DCDC2C: variants seen among roughly 807,000 people sequenced by gnomAD.
DCDC2C encodes the protein doublecortin domain-containing protein 2C.
A neutral mutation model predicts 45.0 loss-of-function variants in DCDC2C; 44 were observed. That is an observed-to-expected ratio of 0.98 (90% CI 0.77 to 1.26). The LOEUF is 1.26. Ranked by LOEUF, DCDC2C falls within the 50% of genes most tolerant of loss-of-function variation. The pLI is 0.00. For synonymous variants in DCDC2C, 187 were observed against 178.8 expected (o/e 1.05, Z -0.37); for missense variants, 447 against 468.9 (o/e 0.95, Z 0.43).
chr2:3,789,220 T>C (rs1670742005), intron 10 of DCDC2C, among the ~76,000 whole-genome samples: 1 of 152,114 alleles, frequency 6.6e-6, no homozygotes, highest in Non-Finnish European at 1.5e-5. Context: ...TTTTAGCCCA[T>C]TGGAGAAACA....
chr2:3,769,086 CG>C, intron 7 of DCDC2C: 1 of 486,696 alleles, frequency 2.1e-6, no homozygotes. Context: ...CAAAAGCAGA[CG>C]GGGCTAAAAT....
At position 3,703,895 on chromosome 2, in the gene DCDC2C, G is replaced by A. The variant is rs1454055247; in HGVS notation, c.144G>A (p.Glu48=). Residue 48 remains glutamate, a synonymous_variant, in exon 1 of 11, where the codon GAG becomes GAA. Transcript: ENST00000399143. The surrounding 1 kb of genome is among the most constrained non-coding windows in gnomAD (Gnocchi z 4.4). ...RRAATFEALL[E]QLTEQVDVPF... is the part of the protein sequence containing the mutation. ...CGGCCACCTTCGAGGCGCTGCTGGAGCAGCTCACGGAGCAGGTGGACGTCC... is the reference window on the plus strand; with the variant it reads ...CGGCCACCTTCGAGGCGCTGCTGGAACAGCTCACGGAGCAGGTGGACGTCC... 5 of 1,328,880 alleles carry A rather than the reference G, an allele frequency of 3.8e-6. No homozygotes were observed. In the African/African-American group the frequency reaches 4.6e-5, roughly 12 times the overall value. The allele number at this position is 1,328,880 out of a possible 1,614,324, so 82.3% of individuals were successfully genotyped here. A position where few individuals can be genotyped will look rare whatever the true frequency, so the allele number is the denominator to read the frequency against.
chr2:3,798,120 T>C (rs1347902910), intron 10 of DCDC2C, among the ~76,000 whole-genome samples: 5 of 151,948 alleles, frequency 3.3e-5, no homozygotes. Flanking sequence ...TTTACCATTA[T>C]GTAATGGCCT....
intron 3 of DCDC2C, among the ~76,000 whole-genome samples, chr2:3,731,940 G>C (rs923491502): frequency 9.9e-5 from 15 of 152,216 alleles, no homozygotes; most frequent in East Asian, 1.9e-4. Flanking sequence ...GTATGAGTAT[G>C]ATGAGGCCAT....
At chr2:3,820,028 C>T (rs1419453877) in intron 10 of DCDC2C, among the ~76,000 whole-genome samples, 4 of 152,052 alleles carry the variant, frequency 2.6e-5, no homozygotes, top group African/African-American at 7.2e-5. Context: ...GGACTCAGAG[C>T]TTGGGGTGGA....
chr2:3,808,544 A>G (rs549535886), intron 10 of DCDC2C, among the ~76,000 whole-genome samples: 1 of 152,272 alleles, frequency 6.6e-6, no homozygotes, highest in South Asian at 2.1e-4. Context: ...AGGGCACACC[A>G]CTACACCCAG....
At chr2:3,839,203 G>A (rs191936114) in intron 10 of DCDC2C, among the ~76,000 whole-genome samples, 113 of 152,160 alleles carry the variant, frequency 7.4e-4, no homozygotes, top group Admixed American at 3.4e-3. Flanking sequence ...ATTTAAAAAC[G>A]TTCTAACCCA....
At chr2:3,823,641 T>C (rs1671745343) in intron 10 of DCDC2C, among the ~76,000 whole-genome samples, 1 of 152,242 alleles carries the variant, frequency 6.6e-6, no homozygotes, top group Non-Finnish European at 1.5e-5. Flanking sequence ...GGCTTCTTCA[T>C]TTATAAAGGA....
intron 10 of DCDC2C, chr2:3,788,523 CA>C (rs1372362558): frequency 6.6e-6 from 1 of 152,052 alleles, no homozygotes; most frequent in Non-Finnish European, 1.5e-5. Context: ...TTTTTCCCCC[CA>C]AAGGCTTCAG....
At chr2:3,754,736 G>GAGCATCAGTGCCAGGGCCTGGGCC in intron 6 of DCDC2C, 102 bp downstream of exon 6, 2 of 985,398 alleles carry the variant, frequency 2.0e-6, no homozygotes, top group Non-Finnish European at 3.0e-6. Context: ...GCTGTAAACA[G>GAGCATCAGTGCCAGGGCCTGGGCC]AGCATCAGTG....
intron 10 of DCDC2C, among the ~76,000 whole-genome samples, chr2:3,793,567 T>C (rs1218152586): frequency 6.6e-6 from 1 of 152,224 alleles, no homozygotes; most frequent in Non-Finnish European, 1.5e-5. Flanking sequence ...ATTATTCCTC[T>C]CCAGTGCTTT....
intron 10 of DCDC2C, among the ~76,000 whole-genome samples, chr2:3,807,880 G>T (rs1025621381): frequency 6.6e-6 from 1 of 152,144 alleles, no homozygotes; most frequent in Non-Finnish European, 1.5e-5. Flanking sequence ...ACCCATCTGT[G>T]TGCACAACAG....
intron 4 of DCDC2C, among the ~76,000 whole-genome samples, chr2:3,750,411 C>T (rs955000016): frequency 1.1e-4 from 16 of 152,186 alleles, no homozygotes; most frequent in East Asian, 1.9e-4. Context: ...TATTTAACCA[C>T]GTCCTCTAAA....
At position 3,811,813 on chromosome 2, in the gene DCDC2C, C is replaced by T. The variant is rs144676316; in HGVS notation, c.1065+26713C>T. ...AAGAGATGTTGAATTTTATCAAAGG[C>T]CTTTTATGCATCTATTGAGATAATC... On this transcript the variant is annotated intron_variant, in intron 10 of 10. Coordinates refer to ENST00000399143, the MANE Select transcript of DCDC2C (RefSeq NM_001287444.2). 7.2e-3 allele frequency among the ~76,000 whole-genome samples: 1,098 copies of T among 152,140 alleles called. 11 individuals are homozygous for T. Among genetic ancestry groups the T allele is most frequent in the African/African-American group, 0.025 (1,046 of 41,492 alleles).
rs563311248 is a variant in DCDC2C, at chr2:3,809,246, G to A, written c.1065+24146G>A. Among the ~76,000 whole-genome samples the A allele has an allele frequency of 3.3e-3, 508 of 152,242 alleles. 1 individual carries two copies. Among genetic ancestry groups the A allele is most frequent in the Non-Finnish European group, 5.6e-3 (384 of 68,020 alleles). ...CTTTTGCTTTTACAAATAAGTCAGC[G>A]TTAGATGTGACTTGTCAATTTCTGT... On this transcript the variant is annotated intron_variant, in intron 10 of 10. Coordinates refer to ENST00000399143, the MANE Select transcript of DCDC2C (RefSeq NM_001287444.2).
intron 3 of DCDC2C, among the ~76,000 whole-genome samples, chr2:3,739,473 A>G (rs1344387770): frequency 2.0e-5 from 3 of 152,186 alleles, no homozygotes; most frequent in African/African-American, 4.8e-5. Context: ...GGACGTCGGG[A>G]GGAGCACATC....
rs116214844 is a variant in DCDC2C, at chr2:3,713,374, C to T, written c.339+4774C>T. On this transcript the variant is annotated intron_variant, in intron 2 of 10. Transcript: ENST00000399143. ...CCAGCAGGATGGGGCACAGGGTTCTCCATGATCCATGCGAGGGGCTGGGGG... is the reference window on the plus strand; with the variant it reads ...CCAGCAGGATGGGGCACAGGGTTCTTCATGATCCATGCGAGGGGCTGGGGG... 7.5e-3 allele frequency among the ~76,000 whole-genome samples: 1,146 copies of T among 152,264 alleles called. 17 individuals carry two copies. The highest frequency in any genetic ancestry group is 0.025 in the African/African-American group (1,057 of 41,546).
intron 7 of DCDC2C, among the ~76,000 whole-genome samples, chr2:3,768,123 T>C (rs867029599): frequency 4.6e-5 from 7 of 152,068 alleles, no homozygotes; most frequent in Non-Finnish European, 8.8e-5. Context: ...TAAATACATA[T>C]TTAAAATCAG....
intron 3 of DCDC2C, among the ~76,000 whole-genome samples, chr2:3,733,126 G>A (rs1668920164): frequency 6.6e-6 from 1 of 152,184 alleles, no homozygotes; most frequent in Admixed American, 6.5e-5. Flanking sequence ...AAAACATGCA[G>A]ATCAGTGTGG....
Sources: allele counts gnomAD v4.1 joint callset (sites outside exome capture counted in the v4.1 genomes callset), GRCh38; gene constraint gnomAD v4.1.1; non-coding constraint Gnocchi (gnomAD v3.1); transcripts MANE v1.5; gene names NCBI Gene and HGNC (gene_info 2026-07-23, HGNC 2026-07-21).